IRX2: variants seen among roughly 807,000 people sequenced by gnomAD.
IRX2 encodes iroquois homeobox 2, also known as iroquois-class homeodomain protein IRX-2.
A neutral mutation model predicts 42.9 loss-of-function variants in IRX2; 26 were observed. The ratio of observed to expected loss-of-function variants is 0.61; its 90% CI spans 0.44 to 0.84. The LOEUF is 0.84. Among genes scored for constraint, IRX2 ranks in the 40% least tolerant of loss-of-function variants. IRX2 has a pLI of 0.00. For missense variants in IRX2, 782 were observed against 713.9 expected (o/e 1.10, Z -1.09); for synonymous variants, 424 against 353.9 (o/e 1.20, Z -2.22).
At chr5:2,740,158 G>A in the IRX2 span, among the ~76,000 whole-genome samples, 1 of 151,712 alleles carries the variant, frequency 6.6e-6, no homozygotes, top group Non-Finnish European at 1.5e-5. Context: ...CCGGGTCTGG[G>A]GCCGCCGGGG....
downstream of IRX2, among the ~76,000 whole-genome samples, chr5:2,744,052 T>A (rs1482026837): frequency 6.6e-6 from 1 of 151,506 alleles, no homozygotes; most frequent in Admixed American, 6.6e-5. Flanking sequence ...GAAATATGCA[T>A]GTCCTCCCAG....
At chr5:2,738,913 G>T in the IRX2 span, among the ~76,000 whole-genome samples, 2 of 152,212 alleles carry the variant, frequency 1.3e-5, no homozygotes, top group Non-Finnish European at 2.9e-5. Flanking sequence ...CGAGGTAATG[G>T]CTGTGGCTGG....
At chr5:2,739,193 G>A in the IRX2 span, among the ~76,000 whole-genome samples, 1 of 152,236 alleles carries the variant, frequency 6.6e-6, no homozygotes, top group South Asian at 2.1e-4. Context: ...AGGGGCCCGC[G>A]GGGAGCGGTG....
chr5:2,738,232 CT>C, the IRX2 span, among the ~76,000 whole-genome samples: 1 of 152,208 alleles, frequency 6.6e-6, no homozygotes, highest in Non-Finnish European at 1.5e-5. Flanking sequence ...TGTCTCTCTC[CT>C]CTGGGCTTGG....
chr5:2,748,421 G>A lies in IRX2; in HGVS notation c.1287C>T (p.Ser429=), dbSNP rs754214705. ...GGTGCGCGCCCGCCTTGCCCGCGTC[G>A]CTGGCCGCCTTTGGCGCGGTGTGCA... The part of the protein sequence containing the change: ...EALHTAPKAA[S]DAGKAGAHPL... The change falls in exon 3 of 4, where the codon AGC becomes AGT. Residue 429 remains serine, a synonymous_variant. Coordinates refer to ENST00000302057, the MANE Select transcript of IRX2 (RefSeq NM_033267.5). 2.6e-6 allele frequency: 4 copies of A among 1,519,024 alleles called. No individual in the cohort carries two copies. Among genetic ancestry groups the A allele is most frequent in the Admixed American group, 2.2e-5 (1 of 45,606 alleles). 94.1% of individuals were successfully genotyped at this position (1,519,024 alleles called of 1,614,324 possible). A position where few individuals can be genotyped will look rare whatever the true frequency, so the allele number is the denominator to read the frequency against.
downstream of IRX2, among the ~76,000 whole-genome samples, chr5:2,743,401 T>G (rs1193428742): frequency 6.6e-6 from 1 of 152,114 alleles, no homozygotes; most frequent in East Asian, 1.9e-4. Flanking sequence ...AGCGCCCCGG[T>G]GCTCTCGGCA....
At chr5:2,743,435 T>A (rs563299829), downstream of IRX2, among the ~76,000 whole-genome samples, 1 of 151,478 alleles carries the variant, frequency 6.6e-6, no homozygotes, top group Non-Finnish European at 1.5e-5. Context: ...GGGGCCCACC[T>A]GAGATTAAAG....
chr5:2,748,758 G>C lies in IRX2; in HGVS notation c.950C>G (p.Ser317Cys). ...GRKTPQGSRT[S>C]PGAPPPASKP... ...GCTGGCGGGGGGCGGCGCGCCCGGA[G>C]ACGTCCGGCTGCCCTGGGGCGTCTT... Residue 317 changes from serine to cysteine, a missense_variant, in exon 3 of 4, where the codon TCT becomes TGT. By Grantham distance (112) the Ser-to-Cys change is moderately radical. Around this residue, in one of 3 missense-constraint regions of IRX2, gnomAD observed 520 missense variants for 437.8 expected, o/e 1.19. Coordinates refer to ENST00000302057, the MANE Select transcript of IRX2 (RefSeq NM_033267.5). The C allele has an allele frequency of 7.3e-7, 1 of 1,363,998 alleles. No homozygotes were observed. Among genetic ancestry groups the C allele is most frequent in the Non-Finnish European group, 9.4e-7 (1 of 1,067,018 alleles). The allele number at this position is 1,363,998 out of a possible 1,614,324, so 84.5% of individuals were successfully genotyped here. A position where few individuals can be genotyped will look rare whatever the true frequency, so the allele number is the denominator to read the frequency against.
chr5:2,745,369 A>T (rs548908479), downstream of IRX2, among the ~76,000 whole-genome samples: 2 of 152,172 alleles, frequency 1.3e-5, no homozygotes, highest in Non-Finnish European at 2.9e-5. Flanking sequence ...ATGATTGTTC[A>T]TTTCTTCTCT....
chr5:2,743,641 C>T (rs1030231697), downstream of IRX2, among the ~76,000 whole-genome samples: 2 of 152,158 alleles, frequency 1.3e-5, no homozygotes, highest in Non-Finnish European at 2.9e-5. Context: ...TCCCCGGCCT[C>T]AGTCAACAAC....
At position 2,746,276 on chromosome 5, in the gene IRX2, G is replaced by C. The variant is rs1464352338; in HGVS notation, c.*1288C>G. The C allele has an allele frequency of 1.3e-5, 2 of 152,100 alleles. No homozygotes were observed. Among genetic ancestry groups the C allele is most frequent in the Non-Finnish European group, 2.9e-5 (2 of 68,012 alleles). The allele number at this position is 152,100 out of a possible 1,614,324, so 9.4% of individuals were successfully genotyped here. On this transcript the variant is annotated 3_prime_UTR_variant, in exon 4 of 4. Coordinates refer to ENST00000302057, the MANE Select transcript of IRX2 (RefSeq NM_033267.5). ...ACCAGCAATGTTCAAATAAAAACCA[G>C]GCAGAATTTATTTACAAAAAGTTTA...
In IRX2 at chr5:2,749,000, C is replaced by G. The variant is rs1323367149; in HGVS notation, c.708G>C (p.Ser236=). The part of the protein sequence containing the change: ...SLTDHSCSAE[S]DGEKLPCRAG... ...CGCGGCACGGAAGCTTCTCCCCGTC[C>G]GACTCGGCCGAGCACGAGTGATCCG... The change falls in exon 3 of 4, where the codon TCG becomes TCC. Residue 236 remains serine, a synonymous_variant. Coordinates refer to ENST00000302057, the MANE Select transcript of IRX2 (RefSeq NM_033267.5). 2 of 1,597,470 alleles carry G rather than the reference C, an allele frequency of 1.3e-6. No homozygotes were observed. Among genetic ancestry groups the G allele is most frequent in the Admixed American group, 1.7e-5 (1 of 59,958 alleles).
the IRX2 span, among the ~76,000 whole-genome samples, chr5:2,739,120 A>G: frequency 2.0e-5 from 3 of 152,264 alleles, no homozygotes; most frequent in African/African-American, 7.2e-5. Context: ...CGCGCTTTGT[A>G]GGGCCTGTGA....
At chr5:2,735,856 C>T in the IRX2 span, among the ~76,000 whole-genome samples, 1 of 152,136 alleles carries the variant, frequency 6.6e-6, no homozygotes, top group African/African-American at 2.4e-5. Context: ...GATTTGAACT[C>T]AGAACTCAGA....
chr5:2,741,939 GCAAATACGGACAA>G (rs1737553569), downstream of IRX2, among the ~76,000 whole-genome samples: 1 of 152,164 alleles, frequency 6.6e-6, no homozygotes, highest in Non-Finnish European at 1.5e-5. Flanking sequence ...CTGGGATTGC[GCAAATACGGACAA>G]CAGATATTTC....
chr5:2,747,906 T>G (rs932238628), intron 3 of IRX2, among the ~76,000 whole-genome samples: 1 of 152,318 alleles, frequency 6.6e-6, no homozygotes, highest in East Asian at 1.9e-4. Flanking sequence ...GAAAAAACAT[T>G]TGATTTTATC....
At chr5:2,738,826 G>A in the IRX2 span, among the ~76,000 whole-genome samples, 1 of 152,198 alleles carries the variant, frequency 6.6e-6, no homozygotes, top group African/African-American at 2.4e-5. Flanking sequence ...CGCTCCCAGA[G>A]CCCCAGTCAG....
At chr5:2,738,841 G>T in the IRX2 span, among the ~76,000 whole-genome samples, 2 of 152,324 alleles carry the variant, frequency 1.3e-5, no homozygotes, top group South Asian at 4.1e-4. Flanking sequence ...AGTCAGGGCC[G>T]CCAGAGGTCG....
rs1356304656 is a variant in IRX2 at position 2,747,757 on chromosome 5, A to G, written c.1364-141T>C. The G allele has an allele frequency of 4.1e-6, 3 of 732,152 alleles. No homozygotes were observed. In the African/African-American group the frequency reaches 5.2e-5, roughly 13 times the overall value. 45.4% of individuals were successfully genotyped at this position (732,152 alleles called of 1,614,324 possible). A position where few individuals can be genotyped will look rare whatever the true frequency, so the allele number is the denominator to read the frequency against. On this transcript the variant is annotated intron_variant, in intron 3 of 3. Transcript: ENST00000302057. ...GTCTCCAGGGCCGCTATCTGAGACG[A>G]CTTTTGGTGATGGTCCCTAGTTCTT...
Sources: allele counts gnomAD v4.1 joint callset (sites outside exome capture counted in the v4.1 genomes callset), GRCh38; gene constraint gnomAD v4.1.1; regional missense constraint gnomAD v4.1.1; transcripts MANE v1.5; gene names NCBI Gene and HGNC (gene_info 2026-07-23, HGNC 2026-07-21).